The following CNTNAP2 variants were observed in gnomAD, a reference collection of about 807,000 sequenced individuals.
The protein encoded by CNTNAP2 is contactin associated protein 2, also known as contactin-associated protein-like 2.
In CNTNAP2, 98 loss-of-function variants were observed where a neutral mutation model predicts 155.2. That is an observed-to-expected ratio of 0.63 (90% CI 0.54 to 0.75). The LOEUF (loss-of-function observed/expected upper bound fraction) is 0.75. Among genes scored for constraint, CNTNAP2 ranks in the 30% least tolerant of loss-of-function variants. The pLI, the probability that CNTNAP2 is intolerant of heterozygous loss-of-function variation, is 0.00. For missense variants in CNTNAP2, 1,727 were observed against 1,688.1 expected, an observed-to-expected ratio of 1.02 and a Z score of -0.40; for synonymous variants, 651 against 631.2, an observed-to-expected ratio of 1.03 and a Z score of -0.47.
At chr7:146,541,686 A>G (rs1189573093) in intron 1 of CNTNAP2, among the ~76,000 whole-genome samples, 2 of 151,976 alleles carry the variant, frequency 1.3e-5, no homozygotes, top group African/African-American at 4.8e-5. Flanking sequence ...TGTAAAAGAT[A>G]TATATCCAGG....
chr7:147,516,389 TAAAATGCTGG>T (rs1584785095), intron 11 of CNTNAP2, among the ~76,000 whole-genome samples: 1 of 152,372 alleles, frequency 6.6e-6, no homozygotes, highest in East Asian at 1.9e-4. Context: ...ATTTCCGTGT[TAAAATGCTGG>T]TTAATTGCAA....
At chr7:146,122,540 A>G (rs2116720933) in intron 1 of CNTNAP2, among the ~76,000 whole-genome samples, 1 of 152,336 alleles carries the variant, frequency 6.6e-6, no homozygotes, top group Non-Finnish European at 1.5e-5. Context: ...AACTAAATGA[A>G]CATGAAATAA....
chr7:146,373,940 T>C (rs990918032), intron 1 of CNTNAP2, among the ~76,000 whole-genome samples: 4 of 152,184 alleles, frequency 2.6e-5, no homozygotes, highest in Non-Finnish European at 4.4e-5. Flanking sequence ...TTTGAGAATG[T>C]TTTAAAACTT....
At position 147,677,871 on chromosome 7, in the gene CNTNAP2, T is replaced by G. The variant is rs115331862; in HGVS notation, c.2098+38565T>G. On this transcript the variant is annotated intron_variant, in intron 13 of 23. Transcript: ENST00000361727. ...TGGAGTTCCTATCTTGTCTCATTGT[T>G]CTACACGTCTGTTTTTATGCCAGTG... 4.2e-3 allele frequency among the ~76,000 whole-genome samples: 636 copies of G among 151,916 alleles called. 1 individual carries two copies. The highest frequency in any genetic ancestry group is 0.014 in the African/African-American group (592 of 41,502).
chr7:147,525,622 C>T (rs1227323859), intron 11 of CNTNAP2, among the ~76,000 whole-genome samples: 1 of 152,106 alleles, frequency 6.6e-6, no homozygotes, highest in Admixed American at 6.5e-5. Context: ...TAAACCAAGT[C>T]CTTGAACTTT....
At chr7:147,494,191 A>C (rs6960069) in intron 11 of CNTNAP2, among the ~76,000 whole-genome samples, 24,970 of 152,066 alleles carry the variant, frequency 0.16, 2,694 homozygotes, top group Non-Finnish European at 0.24. Flanking sequence ...AGAGCTGTGA[A>C]AGTACTACCT....
At chr7:147,805,063 T>G (rs985791615) in intron 13 of CNTNAP2, among the ~76,000 whole-genome samples, 2 of 151,094 alleles carry the variant, frequency 1.3e-5, no homozygotes, top group African/African-American at 4.9e-5. Flanking sequence ...AAATGACAAA[T>G]GATTCAATAT....
At position 147,077,377 on chromosome 7, in the gene CNTNAP2, G is replaced by A. The variant is rs375368286; in HGVS notation, c.551-30770G>A. On this transcript the variant is annotated intron_variant, in intron 4 of 23. Transcript: ENST00000361727. Reference sequence around the variant, plus strand: ...TAGCAGAAATGCTTTTTTTTCAATTGCACACTTTATTTAGTGGAAACAAAA... The same window carrying A: ...TAGCAGAAATGCTTTTTTTTCAATTACACACTTTATTTAGTGGAAACAAAA... Among the ~76,000 whole-genome samples, 263 of 151,636 alleles carry A rather than the reference G, an allele frequency of 1.7e-3. 10 individuals carry two copies. The South Asian group carries it at 0.052, about 30-fold the overall frequency.
rs28728281 is a variant in CNTNAP2, at chr7:147,638,506, G to A, written c.1898-600G>A. Reference sequence around the variant, plus strand: ...TTTTATATCTGCTTCTTTTCTCGCAGTGAAATTTTCAGGGTCAAAATCACC... The same window carrying A: ...TTTTATATCTGCTTCTTTTCTCGCAATGAAATTTTCAGGGTCAAAATCACC... On this transcript the variant is annotated intron_variant, in intron 12 of 23. Coordinates refer to ENST00000361727, the MANE Select transcript of CNTNAP2 (RefSeq NM_014141.6). 6.6e-3 allele frequency among the ~76,000 whole-genome samples: 998 copies of A among 152,242 alleles called. 16 individuals carry two copies. The highest frequency in any genetic ancestry group is 0.022 in the African/African-American group (933 of 41,526).
At chr7:146,637,899 A>G (rs1303408101) in intron 1 of CNTNAP2, among the ~76,000 whole-genome samples, 1 of 152,226 alleles carries the variant, frequency 6.6e-6, no homozygotes, top group Non-Finnish European at 1.5e-5. Context: ...AACAAAAACC[A>G]ACATATATGT....
chr7:147,834,417 T>C (rs937587071), intron 13 of CNTNAP2, among the ~76,000 whole-genome samples: 3 of 152,222 alleles, frequency 2.0e-5, no homozygotes, highest in Non-Finnish European at 4.4e-5. Flanking sequence ...TTGGGGTCTA[T>C]GGAGGAAGCC....
chr7:146,837,249 T>A (rs1803635421), intron 2 of CNTNAP2, among the ~76,000 whole-genome samples: 2 of 152,086 alleles, frequency 1.3e-5, no homozygotes, highest in South Asian at 4.1e-4. Flanking sequence ...GTTTATTTTT[T>A]AAGCCTTGTT....
intron 1 of CNTNAP2, among the ~76,000 whole-genome samples, chr7:146,518,522 C>T (rs1797572890): frequency 6.6e-6 from 1 of 151,732 alleles, no homozygotes. Flanking sequence ...TCCATGAGCT[C>T]TGCATGTAGA....
chr7:146,197,090 T>C (rs1313271851), intron 1 of CNTNAP2, among the ~76,000 whole-genome samples: 3 of 152,160 alleles, frequency 2.0e-5, no homozygotes. Context: ...TGGAAAGATC[T>C]GCAATATTAT....
chr7:146,191,326 T>G (rs1362378676), intron 1 of CNTNAP2, among the ~76,000 whole-genome samples: 2 of 152,034 alleles, frequency 1.3e-5, no homozygotes, highest in Non-Finnish European at 2.9e-5. Context: ...GGAGGGAGTG[T>G]ACGAATAGGG....
chr7:148,252,579 T>C (rs1358661358), intron 20 of CNTNAP2, among the ~76,000 whole-genome samples: 1 of 152,172 alleles, frequency 6.6e-6, no homozygotes, highest in African/African-American at 2.4e-5. Context: ...CTATTGACTA[T>C]TTCAGGGTCG....
At chr7:147,590,527 G>T (rs753146871) in intron 12 of CNTNAP2, among the ~76,000 whole-genome samples, 16 of 152,104 alleles carry the variant, frequency 1.1e-4, no homozygotes, top group Non-Finnish European at 1.8e-4. Flanking sequence ...GGCCTCCCTG[G>T]CCATGCGGAA....
intron 21 of CNTNAP2, among the ~76,000 whole-genome samples, chr7:148,294,825 T>C (rs62470575): frequency 0.16 from 23,956 of 152,094 alleles, 2,192 homozygotes; most frequent in Middle Eastern, 0.24. Context: ...AATAAACATA[T>C]ATATATTATA....
At chr7:146,973,763 C>G (rs1022198020) in intron 3 of CNTNAP2, among the ~76,000 whole-genome samples, 7 of 152,176 alleles carry the variant, frequency 4.6e-5, no homozygotes, top group African/African-American at 1.4e-4. Context: ...TTCCTGGTAT[C>G]CCTCTCATAT....
Sources: allele counts gnomAD v4.1 joint callset (sites outside exome capture counted in the v4.1 genomes callset), GRCh38; gene constraint gnomAD v4.1.1; transcripts MANE v1.5; gene names NCBI Gene and HGNC (gene_info 2026-07-23, HGNC 2026-07-21).